Variants in LURAP1L observed in about 807,000 individuals in gnomAD.
LURAP1L encodes the protein leucine rich adaptor protein 1-like.
Under a neutral mutation model 13.8 loss-of-function variants are expected in LURAP1L, and 12 were observed. That is an observed-to-expected ratio of 0.87 (90% CI 0.56 to 1.41). The LOEUF is 1.41. LURAP1L is among the 40% of genes most tolerant of loss of function. LURAP1L has a pLI of 0.00. For synonymous variants in LURAP1L, 139 were observed against 119.2 expected (o/e 1.17, Z -1.08); for missense variants, 375 against 292.9 (o/e 1.28, Z -2.04).
Position 12,822,431 on chromosome 9 carries a change from T to G in LURAP1L, c.*671T>G, listed in dbSNP as rs1274073480. Reference sequence around the variant, plus strand: ...TCAAATCATATGTTTATTTGTGTAATAAAATGTATTATTCTCCCAAATTTC... The same window carrying G: ...TCAAATCATATGTTTATTTGTGTAAGAAAATGTATTATTCTCCCAAATTTC... On this transcript the variant is annotated 3_prime_UTR_variant, in exon 2 of 2. Coordinates refer to ENST00000319264, the MANE Select transcript of LURAP1L (RefSeq NM_203403.2). Among the ~76,000 whole-genome samples, 1 of 152,222 alleles carries G rather than the reference T, an allele frequency of 6.6e-6. No individual in the cohort carries two copies. The highest frequency in any genetic ancestry group is 1.5e-5 in the Non-Finnish European group (1 of 68,034).
chr9:12,794,945 T>C (rs991072427), intron 1 of LURAP1L, among the ~76,000 whole-genome samples: 3 of 152,014 alleles, frequency 2.0e-5, no homozygotes, highest in African/African-American at 7.2e-5. Context: ...AGGTAAAGTA[T>C]GAGGTTGCTA....
chr9:12,789,025 C>T (rs887260587), intron 1 of LURAP1L, among the ~76,000 whole-genome samples: 7 of 151,288 alleles, frequency 4.6e-5, no homozygotes, highest in African/African-American at 1.7e-4. Flanking sequence ...CATGATTGCA[C>T]CACTGCATTC....
At chr9:12,811,962 C>T (rs959260660) in intron 1 of LURAP1L, among the ~76,000 whole-genome samples, 2 of 152,146 alleles carry the variant, frequency 1.3e-5, no homozygotes, top group African/African-American at 4.8e-5. Context: ...TAGCAGTCGA[C>T]AGGTCTATGT....
At chr9:12,819,071 C>T (rs1259333205) in intron 1 of LURAP1L, among the ~76,000 whole-genome samples, 3 of 152,090 alleles carry the variant, frequency 2.0e-5, no homozygotes, top group African/African-American at 7.2e-5. Flanking sequence ...CTGTCAGAAA[C>T]CTCCTTCCTC....
chr9:12,808,990 G>C (rs1460396476), intron 1 of LURAP1L, among the ~76,000 whole-genome samples: 2 of 152,144 alleles, frequency 1.3e-5, no homozygotes, highest in South Asian at 2.1e-4. Flanking sequence ...CTTCTGGTTA[G>C]GTCCTCAGGA....
chr9:12,811,035 A>T (rs1819729068), intron 1 of LURAP1L, among the ~76,000 whole-genome samples: 2 of 152,066 alleles, frequency 1.3e-5, no homozygotes, highest in African/African-American at 4.8e-5. Flanking sequence ...GGTCTTTTAT[A>T]AAAAAAATGT....
At chr9:12,788,354 A>C (rs928748655) in intron 1 of LURAP1L, among the ~76,000 whole-genome samples, 1 of 141,728 alleles carries the variant, frequency 7.1e-6, no homozygotes, top group Non-Finnish European at 1.6e-5. Flanking sequence ...CTACTGCTAG[A>C]AGTATACATT....
chr9:12,783,533 T>A (rs1231952906), intron 1 of LURAP1L, among the ~76,000 whole-genome samples: 1 of 152,224 alleles, frequency 6.6e-6, no homozygotes, highest in Non-Finnish European at 1.5e-5. Context: ...GAACAGTCCT[T>A]GCATCCCTGG....
At chr9:12,808,448 A>C (rs1055850065) in intron 1 of LURAP1L, among the ~76,000 whole-genome samples, 1 of 152,056 alleles carries the variant, frequency 6.6e-6, no homozygotes, top group African/African-American at 2.4e-5. Flanking sequence ...CACCCCCAGA[A>C]CTTTTTTATT....
chr9:12,776,862 T>G (rs1466986305), intron 1 of LURAP1L, among the ~76,000 whole-genome samples: 1 of 152,156 alleles, frequency 6.6e-6, no homozygotes, highest in Admixed American at 6.5e-5. Flanking sequence ...TAAGACACTA[T>G]TTACTTGCCA....
At chr9:12,808,404 A>G (rs1819690228) in intron 1 of LURAP1L, among the ~76,000 whole-genome samples, 1 of 152,144 alleles carries the variant, frequency 6.6e-6, no homozygotes, top group Non-Finnish European at 1.5e-5. Context: ...GGCATTAAGT[A>G]CATTCACATT....
chr9:12,775,699 G>A lies in LURAP1L; in HGVS notation c.-17G>A, dbSNP rs115669648. 11,504 of 1,550,962 alleles carry A rather than the reference G, an allele frequency of 7.4e-3. 797 individuals carry two copies. The African/African-American group carries it at 0.14, about 19-fold the overall frequency. ...TCTGCTGCGTTTTATTACTATTATC[G>A]CCGTTCCGGAAAAGTCATGGAAGAC... is the stretch of plus-strand genomic sequence containing the variant. On this transcript the variant is annotated 5_prime_UTR_variant, in exon 1 of 2. Coordinates refer to ENST00000319264, the MANE Select transcript of LURAP1L (RefSeq NM_203403.2).
intron 1 of LURAP1L, among the ~76,000 whole-genome samples, chr9:12,808,692 A>G (rs1251334162): frequency 6.6e-6 from 1 of 152,094 alleles, no homozygotes; most frequent in African/African-American, 2.4e-5. Context: ...ATGCCTAGAT[A>G]TAGGTTTTTT....
chr9:12,784,597 C>T (rs924676627), intron 1 of LURAP1L, among the ~76,000 whole-genome samples: 3 of 152,158 alleles, frequency 2.0e-5, no homozygotes, highest in Non-Finnish European at 4.4e-5. Flanking sequence ...GTGACACGAG[C>T]ACCTCTGTGG....
chr9:12,783,827 CTTT>C (rs60324198), intron 1 of LURAP1L, among the ~76,000 whole-genome samples: 157 of 117,402 alleles, frequency 1.3e-3, no homozygotes, highest in African/African-American at 4.6e-3. Context: ...AGGTCCTGGG[CTTT>C]TTTTTTTTTT....
At chr9:12,806,951 C>A (rs1819665537) in intron 1 of LURAP1L, among the ~76,000 whole-genome samples, 1 of 125,662 alleles carries the variant, frequency 8.0e-6, no homozygotes, top group African/African-American at 3.1e-5. Context: ...CAACTAAAGT[C>A]TTTTAAAAAT....
intron 1 of LURAP1L, among the ~76,000 whole-genome samples, chr9:12,818,974 T>C (rs907192080): frequency 6.6e-6 from 1 of 152,194 alleles, no homozygotes; most frequent in African/African-American, 2.4e-5. Flanking sequence ...AAATTGTTGG[T>C]GATTTATAAA....
At chr9:12,814,764 T>A (rs998696955) in intron 1 of LURAP1L, among the ~76,000 whole-genome samples, 4 of 152,214 alleles carry the variant, frequency 2.6e-5, no homozygotes, top group Admixed American at 2.6e-4. Context: ...AGTATTTTTA[T>A]GTATGTAATT....
Position 12,780,467 on chromosome 9 carries a change from G to A in LURAP1L, c.312+4440G>A, listed in dbSNP as rs1819254668. Among the ~76,000 whole-genome samples, 4 of 152,160 alleles carry A rather than the reference G, an allele frequency of 2.6e-5. No individual in the cohort carries two copies. In the South Asian group the frequency reaches 8.3e-4, roughly 32 times the overall value. On this transcript the variant is annotated intron_variant, in intron 1 of 1. Coordinates refer to ENST00000319264, the MANE Select transcript of LURAP1L (RefSeq NM_203403.2). ...TTAAAAAGGGGCTAAACACTGTGGT[G>A]GATGTTGAGATATAACTAGGACAGT...
Sources: gnomAD v4.1 joint callset for allele counts (sites outside exome capture counted in the v4.1 genomes callset) on GRCh38, gnomAD v4.1.1 for gene constraint, MANE v1.5 for transcripts, NCBI Gene and HGNC (gene_info 2026-07-23, HGNC 2026-07-21) for gene names.